MALRD1: variants seen among roughly 807,000 people sequenced by gnomAD.
MALRD1 encodes MAM and LDL-receptor class A domain-containing protein 1.
MALRD1 carries 247 observed loss-of-function variants against 242.1 expected under a neutral mutation model. The observed-to-expected ratio is 1.02, with a 90% confidence interval of 0.92 to 1.13. The LOEUF (loss-of-function observed/expected upper bound fraction) is 1.13. Among genes scored for constraint, MALRD1 ranks in the 50% most tolerant of loss-of-function variants. The probability of loss-of-function intolerance (pLI) is 0.00; values close to 1 mark genes in which losing one functional copy is unlikely to be tolerated. For synonymous variants in MALRD1, 995 were observed against 866.6 expected (o/e 1.15, Z -2.60); for missense variants, 2,989 against 2,533.1 (o/e 1.18, Z -3.86).
At chr10:19,366,645 A>G (rs1004965402) in intron 26 of MALRD1, among the ~76,000 whole-genome samples, 4 of 152,064 alleles carry the variant, frequency 2.6e-5, no homozygotes, top group African/African-American at 7.2e-5. Context: ...TTGTATGACT[A>G]TTTCATAATG....
intron 38 of MALRD1, among the ~76,000 whole-genome samples, chr10:19,710,122 A>C (rs552544352): frequency 2.0e-5 from 3 of 152,238 alleles, no homozygotes; most frequent in South Asian, 2.1e-4. Context: ...CAAACCAAAC[A>C]AAACAAGCAG....
chr10:19,246,563 A>C (rs1209883810), intron 18 of MALRD1, among the ~76,000 whole-genome samples: 1 of 152,126 alleles, frequency 6.6e-6, no homozygotes, highest in East Asian at 1.9e-4. Flanking sequence ...AGACAAACTC[A>C]TCCTCTTAAA....
intron 18 of MALRD1, among the ~76,000 whole-genome samples, chr10:19,237,732 TTA>T (rs1251309156): frequency 3.4e-5 from 4 of 116,980 alleles, no homozygotes; most frequent in Non-Finnish European, 6.8e-5. Context: ...AAATATATAA[TTA>T]TATATAATTT....
intron 8 of MALRD1, among the ~76,000 whole-genome samples, chr10:19,131,959 T>C (rs184540747): frequency 1.2e-3 from 177 of 152,286 alleles, no homozygotes; most frequent in African/African-American, 4.0e-3. Context: ...CTGATTTCAC[T>C]TAGAATAAAT....
chr10:19,578,598 A>G (rs2131498593), intron 33 of MALRD1, among the ~76,000 whole-genome samples: 1 of 152,278 alleles, frequency 6.6e-6, no homozygotes, highest in South Asian at 2.1e-4. Flanking sequence ...AAGATGAGGC[A>G]GAAGAATTGC....
At chr10:19,296,698 T>A (rs549152646) in intron 21 of MALRD1, among the ~76,000 whole-genome samples, 1 of 152,238 alleles carries the variant, frequency 6.6e-6, no homozygotes, top group African/African-American at 2.4e-5. Flanking sequence ...TGTATTGATT[T>A]ATTGAATTGA....
rs567265884 is a variant in MALRD1, at chr10:19,676,823, T to C, written c.6138-15459T>C. On this transcript the variant is annotated intron_variant, in intron 36 of 39. Coordinates refer to ENST00000454679, the MANE Select transcript of MALRD1 (RefSeq NM_001142308.3). ...TAGCTGTTTTTCCTGATGCTCTCCC[T>C]CTCCCCTGACAGGACCCAGTGTGTG... Among the ~76,000 whole-genome samples the C allele has an allele frequency of 1.4e-4, 22 of 152,162 alleles. No homozygotes were observed. In the East Asian group the frequency reaches 4.3e-3, roughly 29 times the overall value.
intron 2 of MALRD1, among the ~76,000 whole-genome samples, chr10:19,084,397 A>G (rs1313446220): frequency 2.6e-5 from 4 of 151,834 alleles, no homozygotes; most frequent in Non-Finnish European, 5.9e-5. Context: ...TCTTGTTTTG[A>G]TGATCCATTC....
At chr10:19,327,461 A>T in intron 22 of MALRD1, 102 bp from the exon 23 acceptor site, 4 of 774,172 alleles carry the variant, frequency 5.2e-6, no homozygotes, top group Non-Finnish European at 2.1e-6. Context: ...CTTCATGTTG[A>T]TATTGCAACT....
intron 18 of MALRD1, among the ~76,000 whole-genome samples, chr10:19,245,266 C>A (rs1268810665): frequency 6.6e-6 from 1 of 152,042 alleles, no homozygotes; most frequent in Non-Finnish European, 1.5e-5. Flanking sequence ...AGAATAGATT[C>A]TTAGGTAGTA....
At chr10:19,530,403 ATATAT>A (rs1463898007) in intron 31 of MALRD1, among the ~76,000 whole-genome samples, 4 of 12,574 alleles carry the variant, frequency 3.2e-4, no homozygotes, top group African/African-American at 7.4e-4. Context: ...TATAAATATT[ATATAT>A]TTATATAATA....
At chr10:19,191,694 A>G (rs1564455751) in intron 14 of MALRD1, among the ~76,000 whole-genome samples, 1 of 152,174 alleles carries the variant, frequency 6.6e-6, no homozygotes, top group Non-Finnish European at 1.5e-5. Context: ...TACACTACAA[A>G]GTGAATAAAA....
chr10:19,419,224 T>C (rs1484827555), intron 28 of MALRD1, among the ~76,000 whole-genome samples: 1 of 152,128 alleles, frequency 6.6e-6, no homozygotes, highest in Non-Finnish European at 1.5e-5. Flanking sequence ...CCTCTTAAAA[T>C]GATTTTCCTT....
At chr10:19,226,757 A>G (rs917455761) in intron 18 of MALRD1, among the ~76,000 whole-genome samples, 4 of 152,108 alleles carry the variant, frequency 2.6e-5, no homozygotes, top group Admixed American at 6.6e-5. Flanking sequence ...TGATGTAAAC[A>G]TATACATAGA....
chr10:19,078,305 A>G (rs968268862), intron 2 of MALRD1, among the ~76,000 whole-genome samples: 2 of 151,766 alleles, frequency 1.3e-5, no homozygotes, highest in Non-Finnish European at 2.9e-5. Context: ...TTTTGCATCT[A>G]TTGACATGGT....
At chr10:19,377,965 C>T (rs1339589321) in intron 26 of MALRD1, among the ~76,000 whole-genome samples, 1 of 152,058 alleles carries the variant, frequency 6.6e-6, no homozygotes, top group Non-Finnish European at 1.5e-5. Context: ...ACAATTTTCA[C>T]CATTTTTGTC....
intron 18 of MALRD1, among the ~76,000 whole-genome samples, chr10:19,230,619 T>G (rs1019617725): frequency 3.3e-5 from 5 of 152,176 alleles, no homozygotes; most frequent in Non-Finnish European, 7.4e-5. Flanking sequence ...ACATGAGATT[T>G]GAAGGGGACA....
intron 31 of MALRD1, among the ~76,000 whole-genome samples, chr10:19,499,691 A>G (rs1837884632): frequency 6.6e-6 from 1 of 152,328 alleles, no homozygotes; most frequent in South Asian, 2.1e-4. Context: ...TCTTCAAAAC[A>G]GTTGAAGCAT....
chr10:19,435,980 G>A (rs1834335037), intron 28 of MALRD1, among the ~76,000 whole-genome samples: 2 of 152,104 alleles, frequency 1.3e-5, no homozygotes, highest in African/African-American at 2.4e-5. Flanking sequence ...TAATTCAATA[G>A]TACTCTATTT....
Sources: allele counts gnomAD v4.1 joint callset (sites outside exome capture counted in the v4.1 genomes callset), GRCh38; gene constraint gnomAD v4.1.1; transcripts MANE v1.5; gene names NCBI Gene and HGNC (gene_info 2026-07-23, HGNC 2026-07-21).